The following NAPA variants were observed in gnomAD, a reference collection of about 807,000 sequenced individuals.
NAPA encodes alpha-soluble NSF attachment protein.
Under a neutral mutation model 48.0 loss-of-function variants are expected in NAPA, and 18 were observed. That is an observed-to-expected ratio of 0.38 (90% CI 0.26 to 0.56). The LOEUF (loss-of-function observed/expected upper bound fraction) is 0.56, where lower values mean the gene tolerates loss of function less well. NAPA is among the 20% of genes least tolerant of loss of function. NAPA has a pLI of 0.77. For synonymous variants in NAPA, 152 were observed against 149.9 expected (o/e 1.01, Z -0.10); for missense variants, 315 against 385.0 (o/e 0.82, Z 1.52).
chr19:47,490,365 G>T (rs1968217173), intron 9 of NAPA, among the ~76,000 whole-genome samples: 1 of 148,606 alleles, frequency 6.7e-6, no homozygotes. Flanking sequence ...GCTGTGTGTG[G>T]TGTGTGTGTA....
chr19:47,493,326 C>T lies in NAPA; in HGVS notation c.420+90G>A. On this transcript the variant is annotated intron_variant, in intron 5 of 10. Transcript: ENST00000263354. The surrounding 1 kb of genome is among the most constrained non-coding windows in gnomAD (Gnocchi z 6.4). ...GGCGCCCCATGCCCCCTTCTCGGCA[C>T]TCAGACACCAGAGGACTCCCCTGGT... 1.3e-6 allele frequency: 2 copies of T among 1,532,472 alleles called. No homozygotes were observed. Among genetic ancestry groups the T allele is most frequent in the Admixed American group, 3.4e-5 (2 of 59,260 alleles). 94.9% of individuals were successfully genotyped at this position (1,532,472 alleles called of 1,614,324 possible). A position where few individuals can be genotyped will look rare whatever the true frequency, so the allele number is the denominator to read the frequency against.
intron 1 of NAPA, among the ~76,000 whole-genome samples, chr19:47,504,211 C>A (rs559131143): frequency 6.6e-6 from 1 of 151,950 alleles, no homozygotes; most frequent in African/African-American, 2.4e-5. Flanking sequence ...CTGGGCCACA[C>A]GGCAAAACCC....
intron 3 of NAPA, chr19:47,496,743 C>T (rs1968434134): frequency 2.7e-5 from 10 of 368,634 alleles, no homozygotes; most frequent in South Asian, 1.6e-4. Flanking sequence ...AAACTCCCTC[C>T]GTGGGGAGGC....
Position 47,493,039 on chromosome 19 carries a change from G to C in NAPA, c.483C>G (p.Ala161=), listed in dbSNP as rs115511713. 3,081 of 1,614,162 alleles carry C rather than the reference G, an allele frequency of 1.9e-3. 72 individuals are homozygous for C. In the African/African-American group the frequency reaches 0.036, roughly 19 times the overall value. Residue 161 remains alanine (A), a synonymous_variant, in exon 7 of 11, where the codon GCC becomes GCG. Coordinates refer to ENST00000263354, the MANE Select transcript of NAPA (RefSeq NM_003827.4). The surrounding 1 kb of genome is among the most constrained non-coding windows in gnomAD (Gnocchi z 6.4). ...YYKGEESNSS[A]NKCLLKVAGY... is the part of the protein sequence containing the mutation. ...CAGCCACCTTCAGCAGACACTTGTT[G>C]GCTGAGCTGTGTGGGGAGGAGTAGT...
chr19:47,507,287 A>ACCAACCTCAGGGACTG (rs1198744000), intron 1 of NAPA, among the ~76,000 whole-genome samples: 71 of 152,318 alleles, frequency 4.7e-4, no homozygotes, highest in Non-Finnish European at 9.0e-4. Context: ...AAACACAGCC[A>ACCAACCTCAGGGACTG]CCAACCTCAG....
At chr19:47,488,535 C>T (rs1381963941) in intron 10 of NAPA, 146 bp from the exon 11 acceptor site, 2 of 569,102 alleles carry the variant, frequency 3.5e-6, no homozygotes, top group South Asian at 2.2e-5. Context: ...GAGGCCCCAA[C>T]TCAGCCATGG....
rs555359066 is a variant in NAPA at position 47,493,089 on chromosome 19, C to T, written c.476+30G>A. ...TGAGGGGAAGTGGTGGCGGTCCCTG[C>T]GGGGCTGGGGCAGGCAGGAAGGGGG... On this transcript the variant is annotated intron_variant, in intron 6 of 10. Transcript: ENST00000263354. The surrounding 1 kb of genome is among the most constrained non-coding windows in gnomAD (Gnocchi z 6.4). 39 of 1,613,862 alleles carry T rather than the reference C, an allele frequency of 2.4e-5. No homozygotes were observed. The East Asian group carries it at 7.4e-4, about 30-fold the overall frequency.
chr19:47,486,171 A>G (rs987138478), downstream of NAPA, among the ~76,000 whole-genome samples: 8 of 152,162 alleles, frequency 5.3e-5, no homozygotes, highest in African/African-American at 1.2e-4. Context: ...CCTGGCCAAC[A>G]TGGTGAAACG....
At position 47,506,562 on chromosome 19, in the gene NAPA, G is replaced by C. The variant is rs1034104056; in HGVS notation, c.99-3060C>G. ...TCCATGCACTCTCTGAAAAAGCACA[G>C]ACCCTGGATGGGCAGAAATGACCCA... On this transcript the variant is annotated intron_variant, in intron 1 of 10. Coordinates refer to ENST00000263354, the MANE Select transcript of NAPA (RefSeq NM_003827.4). The surrounding 1 kb of genome is among the most constrained non-coding windows in gnomAD (Gnocchi z 4.0). Among the ~76,000 whole-genome samples the C allele has an allele frequency of 1.3e-5, 2 of 152,196 alleles. No individual in the cohort carries two copies. The highest frequency in any genetic ancestry group is 2.4e-5 in the African/African-American group (1 of 41,450).
intron 1 of NAPA, among the ~76,000 whole-genome samples, chr19:47,512,408 G>A (rs1241638795): frequency 6.6e-6 from 1 of 152,010 alleles, no homozygotes; most frequent in African/African-American, 2.4e-5. Context: ...TGACATCATC[G>A]AGCCCCTCCT....
At chr19:47,486,129 C>T (rs999850808), downstream of NAPA, among the ~76,000 whole-genome samples, 6 of 152,076 alleles carry the variant, frequency 3.9e-5, no homozygotes, top group Admixed American at 1.3e-4. Flanking sequence ...CTGAGGCAGG[C>T]GGATCAACTG....
At chr19:47,491,955 G>T in intron 8 of NAPA, 60 bp downstream of exon 8, 1 of 1,488,340 alleles carries the variant, frequency 6.7e-7, no homozygotes, top group Non-Finnish European at 9.3e-7. Flanking sequence ...ACGGGACCTG[G>T]CCTGGAGATA....
chr19:47,484,687 G>A (rs1968017831), downstream of NAPA, among the ~76,000 whole-genome samples: 1 of 151,580 alleles, frequency 6.6e-6, no homozygotes, highest in African/African-American at 2.4e-5. Flanking sequence ...AACCAAACAA[G>A]GTAACTCCAC....
chr19:47,511,397 CA>C (rs1453184101), intron 1 of NAPA, among the ~76,000 whole-genome samples: 1 of 152,208 alleles, frequency 6.6e-6, no homozygotes, highest in Non-Finnish European at 1.5e-5. Context: ...GCCCTAACCT[CA>C]CTCATACTCC....
chr19:47,503,582 G>A (rs1312049623), intron 1 of NAPA, 80 bp from the exon 2 acceptor site: 3 of 1,333,212 alleles, frequency 2.3e-6, no homozygotes, highest in East Asian at 2.3e-5. Flanking sequence ...CCAGTGCCGG[G>A]CACAGACGTG....
Position 47,490,842 on chromosome 19 carries a change from C to T in NAPA, c.681G>A (p.Lys227=), listed in dbSNP as rs759495913. Residue 227 remains lysine, a synonymous_variant, in exon 9 of 11, where the codon AAG becomes AAA. Transcript: ENST00000263354. ...DMLNAKLAVQ[K]YEELFPAFSD... is the part of the protein sequence containing the mutation. ...AGAAAGCTGGGAACAGCTCCTCATACTTTTGGACAGCCAGCTGGGCAGCAG... is the reference window on the plus strand; with the variant it reads ...AGAAAGCTGGGAACAGCTCCTCATATTTTTGGACAGCCAGCTGGGCAGCAG... The T allele has an allele frequency of 5.6e-6, 9 of 1,613,602 alleles. No homozygotes were observed. The South Asian group carries it at 8.8e-5, about 16-fold the overall frequency.
chr19:47,503,618 G>A, intron 1 of NAPA, 116 bp from the exon 2 acceptor site: 1 of 956,438 alleles, frequency 1.0e-6, no homozygotes, highest in South Asian at 1.4e-5. Context: ...CTTCACCTGT[G>A]AAGCCAGCTT....
intron 1 of NAPA, among the ~76,000 whole-genome samples, chr19:47,504,286 TAG>T (rs933369190): frequency 4.7e-5 from 7 of 150,096 alleles, no homozygotes; most frequent in Non-Finnish European, 1.0e-4. Flanking sequence ...TCCTAGCTAC[TAG>T]AGAGGCTGAT....
At chr19:47,499,602 C>T (rs1037450836) in intron 3 of NAPA, among the ~76,000 whole-genome samples, 10 of 152,248 alleles carry the variant, frequency 6.6e-5, no homozygotes, top group African/African-American at 1.2e-4. Flanking sequence ...ACCACTGAGG[C>T]CAACGCATGA....
Sources: gnomAD v4.1 joint callset for allele counts (sites outside exome capture counted in the v4.1 genomes callset) on GRCh38, gnomAD v4.1.1 for gene constraint, Gnocchi (gnomAD v3.1) non-coding constraint, MANE v1.5 for transcripts, NCBI Gene and HGNC (gene_info 2026-07-23, HGNC 2026-07-21) for gene names.